LAMA2: variants seen among roughly 807,000 people sequenced by gnomAD.
LAMA2 encodes laminin subunit alpha 2.
In LAMA2, 269 loss-of-function variants were observed where a neutral mutation model predicts 364.8. The ratio of observed to expected loss-of-function variants is 0.74; its 90% CI spans 0.67 to 0.82. The LOEUF is 0.82. Among genes scored for constraint, LAMA2 ranks in the 40% least tolerant of loss-of-function variants. LAMA2 has a pLI of 0.00. For missense variants in LAMA2, 3,807 were observed against 3,873.2 expected (o/e 0.98, Z 0.45); for synonymous variants, 1,379 against 1,370.6 (o/e 1.01, Z -0.14).
intron 12 of LAMA2, among the ~76,000 whole-genome samples, chr6:129,240,910 T>G (rs188100989): frequency 6.6e-6 from 1 of 152,358 alleles, no homozygotes; most frequent in East Asian, 1.9e-4. Flanking sequence ...CTCCTTCAAC[T>G]GCAGATCAAA....
At position 128,883,330 on chromosome 6, in the gene LAMA2, C is replaced by A. The variant is rs762102801; in HGVS notation, c.85C>A (p.Arg29=). ...GVQAQRPQQQ[R]QSQAHQQRGL... Reference sequence around the variant, plus strand: ...ACAGGCGCAGCGGCCGCAGCAGCAGCGGCAGTCACAGGCACATCAGCAAAG... The same window carrying A: ...ACAGGCGCAGCGGCCGCAGCAGCAGAGGCAGTCACAGGCACATCAGCAAAG... Residue 29 remains arginine (R), a synonymous_variant, in exon 1 of 65, where the codon CGG becomes AGG. Coordinates refer to ENST00000421865, the MANE Select transcript of LAMA2 (RefSeq NM_000426.4). 18 of 1,598,768 alleles carry A rather than the reference C, an allele frequency of 1.1e-5. No homozygotes were observed. The South Asian group carries it at 1.5e-4, about 13-fold the overall frequency.
At chr6:129,418,706 C>T (rs1780923887) in intron 40 of LAMA2, among the ~76,000 whole-genome samples, 1 of 151,860 alleles carries the variant, frequency 6.6e-6, no homozygotes, top group African/African-American at 2.4e-5. Flanking sequence ...TGATCTGGCT[C>T]CAAATTCAAT....
chr6:129,508,233 T>G (rs1020071980), intron 62 of LAMA2, among the ~76,000 whole-genome samples: 4 of 89,502 alleles, frequency 4.5e-5, no homozygotes, highest in African/African-American at 1.2e-4. Flanking sequence ...AATCCTTTAA[T>G]TTTTAATTTT....
intron 4 of LAMA2, among the ~76,000 whole-genome samples, chr6:129,123,527 C>A (rs887890654): frequency 6.6e-6 from 1 of 152,026 alleles, no homozygotes; most frequent in Non-Finnish European, 1.5e-5. Context: ...GTGGTATATA[C>A]ATACAATAGG....
At chr6:129,357,787 A>G (rs1008152240) in intron 32 of LAMA2, among the ~76,000 whole-genome samples, 2 of 152,072 alleles carry the variant, frequency 1.3e-5, no homozygotes, top group African/African-American at 4.8e-5. Flanking sequence ...TATTATCACT[A>G]GAACACTGTT....
chr6:129,383,269 C>G, intron 35 of LAMA2, 36 bp downstream of exon 35: 1 of 1,480,596 alleles, frequency 6.8e-7, no homozygotes, highest in African/African-American at 1.4e-5. Flanking sequence ...CATCATTTCT[C>G]CCAACAGAAA....
rs559774094 is a variant in LAMA2, at chr6:129,146,482, A to G, written c.820-477A>G. ...AATTTTCTTCTTAATATGGTTAAGG[A>G]ATATATTGTTATGAGCACAATTTCT... is the stretch of plus-strand genomic sequence containing the variant. On this transcript the variant is annotated intron_variant, in intron 5 of 64. Coordinates refer to ENST00000421865, the MANE Select transcript of LAMA2 (RefSeq NM_000426.4). 5.3e-5 allele frequency among the ~76,000 whole-genome samples: 8 copies of G among 152,128 alleles called. No homozygotes were observed. In the East Asian group the frequency reaches 1.5e-3, roughly 29 times the overall value.
chr6:129,211,108 A>G (rs1200695381), intron 12 of LAMA2, among the ~76,000 whole-genome samples: 1 of 152,240 alleles, frequency 6.6e-6, no homozygotes, highest in African/African-American at 2.4e-5. Flanking sequence ...TATGAATATA[A>G]TGCCAAATAT....
intron 1 of LAMA2, among the ~76,000 whole-genome samples, chr6:128,945,659 TTC>T (rs1216977795): frequency 6.6e-6 from 1 of 152,262 alleles, no homozygotes; most frequent in Non-Finnish European, 1.5e-5. Context: ...TTTAAATGAC[TTC>T]TCTGTTTGAG....
At chr6:128,944,928 C>T (rs1053807802) in intron 1 of LAMA2, among the ~76,000 whole-genome samples, 6 of 152,146 alleles carry the variant, frequency 3.9e-5, no homozygotes, top group Admixed American at 2.0e-4. Flanking sequence ...ATTCTCCAAT[C>T]ATCTCCCACC....
chr6:129,237,787 A>C (rs549061886), intron 12 of LAMA2, among the ~76,000 whole-genome samples: 1 of 152,276 alleles, frequency 6.6e-6, no homozygotes, highest in East Asian at 1.9e-4. Context: ...AATGCATGAG[A>C]GTACTTGTTT....
At chr6:129,138,537 T>TA (rs1405813516) in intron 4 of LAMA2, among the ~76,000 whole-genome samples, 1 of 152,134 alleles carries the variant, frequency 6.6e-6, no homozygotes. Context: ...TTAATCTGTA[T>TA]AATAAATTAT....
chr6:129,059,321 A>C (rs1194323954), intron 2 of LAMA2, among the ~76,000 whole-genome samples: 1 of 152,182 alleles, frequency 6.6e-6, no homozygotes, highest in Non-Finnish European at 1.5e-5. Flanking sequence ...AATAATAATG[A>C]ATGTGTCAGA....
At chr6:129,052,298 G>A (rs1199177651) in intron 2 of LAMA2, among the ~76,000 whole-genome samples, 1 of 143,910 alleles carries the variant, frequency 6.9e-6, no homozygotes, top group Non-Finnish European at 1.5e-5. Flanking sequence ...GCCACGCCCG[G>A]CTAATTCTTT....
At position 129,425,563 on chromosome 6, in the gene LAMA2, C is replaced by A. The variant is rs1781287317; in HGVS notation, c.5866-2189C>A. Among the ~76,000 whole-genome samples, 7 of 151,970 alleles carry A rather than the reference C, an allele frequency of 4.6e-5. No individual in the cohort carries two copies. The South Asian group carries it at 1.2e-3, about 27-fold the overall frequency. On this transcript the variant is annotated intron_variant, in intron 40 of 64. Coordinates refer to ENST00000421865, the MANE Select transcript of LAMA2 (RefSeq NM_000426.4). ...AGTCTACTACCCAATAGTTATTTTT[C>A]TCTGTTTCTCTCCCTCCTCCCACTA... is the stretch of plus-strand genomic sequence containing the variant.
At position 129,365,422 on chromosome 6, in the gene LAMA2, G is replaced by A. The variant is rs1208183654; in HGVS notation, c.4718-797G>A. 3.3e-5 allele frequency among the ~76,000 whole-genome samples: 5 copies of A among 152,148 alleles called. No homozygotes were observed. In the South Asian group the frequency reaches 1.0e-3, roughly 32 times the overall value. ...CTGTCGCCCAGGCTGGAGTGCAGTGGTGCAATCTTGGCTCACTGCAACCTC... is the reference window on the plus strand; with the variant it reads ...CTGTCGCCCAGGCTGGAGTGCAGTGATGCAATCTTGGCTCACTGCAACCTC... On this transcript the variant is annotated intron_variant, in intron 32 of 64. Coordinates refer to ENST00000421865, the MANE Select transcript of LAMA2 (RefSeq NM_000426.4).
chr6:129,071,493 CTA>C (rs1773310101), intron 3 of LAMA2, among the ~76,000 whole-genome samples: 1 of 151,920 alleles, frequency 6.6e-6, no homozygotes, highest in Non-Finnish European at 1.5e-5. Flanking sequence ...AAATGGATAC[CTA>C]TGTTATTAAT....
intron 9 of LAMA2, among the ~76,000 whole-genome samples, chr6:129,166,363 T>G (rs1462484098): frequency 6.6e-6 from 1 of 152,188 alleles, no homozygotes. Context: ...CTGGGACGCT[T>G]CTTCTCTAGA....
chr6:128,911,544 C>T (rs1226147117), intron 1 of LAMA2, among the ~76,000 whole-genome samples: 1 of 152,174 alleles, frequency 6.6e-6, no homozygotes, highest in Non-Finnish European at 1.5e-5. Context: ...GTCTGGCATT[C>T]CTTAGTGAGA....
Sources: allele counts gnomAD v4.1 joint callset (sites outside exome capture counted in the v4.1 genomes callset), GRCh38; gene constraint gnomAD v4.1.1; transcripts MANE v1.5; gene names NCBI Gene and HGNC (gene_info 2026-07-23, HGNC 2026-07-21).